Variants in CPLX4 observed in about 807,000 individuals in gnomAD.
CPLX4 encodes the protein complexin-4.
In CPLX4, 17 loss-of-function variants were observed where a neutral mutation model predicts 16.1. The observed-to-expected ratio is 1.06, with a 90% CI of 0.72 to 1.59. The LOEUF is 1.59. Among genes scored for constraint, CPLX4 ranks in the 40% most tolerant of loss-of-function variants. The pLI is 0.00. For missense variants in CPLX4, 193 were observed against 192.9 expected, an observed-to-expected ratio of 1.00 and a Z score of 0.00; for synonymous variants, 55 against 57.8, an observed-to-expected ratio of 0.95 and a Z score of 0.22.
At chr18:59,310,686 T>C (rs2070610663) in intron 2 of CPLX4, among the ~76,000 whole-genome samples, 1 of 152,132 alleles carries the variant, frequency 6.6e-6, no homozygotes, top group African/African-American at 2.4e-5. Context: ...GTCCTTTATA[T>C]TACATTATCT....
rs550794650 is a variant in CPLX4 at position 59,318,326 on chromosome 18, T to A, written c.137A>T (p.Glu46Val). The A allele has an allele frequency of 1.2e-6, 2 of 1,613,248 alleles. No individual in the cohort carries two copies. Among genetic ancestry groups the A allele is most frequent in the South Asian group, 1.1e-5 (1 of 90,922 alleles). ...AAQGMTREEY[E>V]EYQKQMIEEK... The stretch of plus-strand genomic sequence containing the variant: ...CTCAATCATTTGCTTTTGATACTCC[T>A]CATACTCCTCTCTAGTCATCCCTTG... The change falls in exon 1 of 3, where the codon GAG becomes GTG. Residue 46 changes from glutamate to valine, a missense_variant. Glu to Val is a moderately radical substitution (Grantham distance 121). Transcript: ENST00000299721.
intron 2 of CPLX4, among the ~76,000 whole-genome samples, chr18:59,297,798 G>C (rs77102066): frequency 2.6e-5 from 4 of 152,308 alleles, no homozygotes; most frequent in African/African-American, 4.8e-5. Context: ...TCACACCTTA[G>C]TGGCAACTTT....
Position 59,312,905 on chromosome 18 carries a change from T to A in CPLX4, c.168-133A>T, listed in dbSNP as rs866039874. ...TGGCAGACACTTGGGAACTATGGGA[T>A]TTTTTTCCTAGGTCCCCAAACGTCT... On this transcript the variant is annotated intron_variant, in intron 1 of 2. Coordinates refer to ENST00000299721, the MANE Select transcript of CPLX4 (RefSeq NM_181654.4). The A allele has an allele frequency of 7.9e-6, 4 of 506,844 alleles. No homozygotes were observed. In the South Asian group the frequency reaches 1.0e-4, roughly 13 times the overall value. The allele number at this position is 506,844 out of a possible 1,614,324, so 31.4% of individuals were successfully genotyped here. A position where few individuals can be genotyped will look rare whatever the true frequency, so the allele number is the denominator to read the frequency against.
intron 2 of CPLX4, among the ~76,000 whole-genome samples, chr18:59,310,261 T>C (rs1026144934): frequency 6.6e-6 from 1 of 152,214 alleles, no homozygotes; most frequent in Non-Finnish European, 1.5e-5. Context: ...CAGTAGCCTA[T>C]GCAGGTATAG....
In CPLX4 at chr18:59,315,389, A is replaced by T. The variant is rs1015590100; in HGVS notation, c.168-2617T>A. Reference sequence around the variant, plus strand: ...TCTTTTGCCCATTGTTTTTGCTTTCATTATTGAGTTATAGGAGTTCTTCAT... The same window carrying T: ...TCTTTTGCCCATTGTTTTTGCTTTCTTTATTGAGTTATAGGAGTTCTTCAT... On this transcript the variant is annotated intron_variant, in intron 1 of 2. Transcript: ENST00000299721. Among the ~76,000 whole-genome samples the T allele has an allele frequency of 2.0e-5, 3 of 152,120 alleles. No individual in the cohort carries two copies. In the South Asian group the frequency reaches 6.2e-4, roughly 32 times the overall value.
intron 2 of CPLX4, among the ~76,000 whole-genome samples, chr18:59,305,188 A>C (rs1307034280): frequency 6.6e-6 from 1 of 152,032 alleles, no homozygotes; most frequent in Non-Finnish European, 1.5e-5. Context: ...AGTGGCACTG[A>C]CCAGAGTCTT....
rs1253445997 is a variant in CPLX4, at chr18:59,303,208, C to T, written c.256-6283G>A. 2.6e-5 allele frequency among the ~76,000 whole-genome samples: 4 copies of T among 152,288 alleles called. No homozygotes were observed. In the South Asian group the frequency reaches 6.2e-4, roughly 24 times the overall value. The stretch of plus-strand genomic sequence containing the variant: ...CCCACTGCTGCCCTTCCCTCTTTAG[C>T]TACTTAAAGAGCCCTCAGCACCCCT... On this transcript the variant is annotated intron_variant, in intron 2 of 2. Coordinates refer to ENST00000299721, the MANE Select transcript of CPLX4 (RefSeq NM_181654.4).
chr18:59,308,464 CT>C (rs56412366), intron 2 of CPLX4, among the ~76,000 whole-genome samples: 35,335 of 143,478 alleles, frequency 0.25, 4,550 homozygotes, highest in South Asian at 0.35. Context: ...AATAGTAAGG[CT>C]TTTTTTTTTT....
chr18:59,311,593 A>G (rs2070617162), intron 2 of CPLX4, among the ~76,000 whole-genome samples: 1 of 152,004 alleles, frequency 6.6e-6, no homozygotes, highest in Non-Finnish European at 1.5e-5. Flanking sequence ...CTTTGGAGGG[A>G]TCTTTTACTT....
intron 2 of CPLX4, among the ~76,000 whole-genome samples, chr18:59,311,878 C>CA (rs1370419302): frequency 6.6e-6 from 1 of 152,204 alleles, no homozygotes; most frequent in African/African-American, 2.4e-5. Context: ...CCACAGCCTA[C>CA]AGCAGTCACC....
chr18:59,313,965 G>A (rs1210762362), intron 1 of CPLX4, among the ~76,000 whole-genome samples: 1 of 152,178 alleles, frequency 6.6e-6, no homozygotes, highest in Non-Finnish European at 1.5e-5. Flanking sequence ...ATTTTCAGGT[G>A]AAAACTGGTT....
intron 2 of CPLX4, among the ~76,000 whole-genome samples, chr18:59,299,367 C>T (rs1016223873): frequency 1.3e-5 from 2 of 152,164 alleles, no homozygotes; most frequent in African/African-American, 4.8e-5. Flanking sequence ...GGAATTCTGG[C>T]CCCTTCCCTC....
intron 2 of CPLX4, among the ~76,000 whole-genome samples, chr18:59,312,224 A>C (rs2070621315): frequency 6.6e-6 from 1 of 152,182 alleles, no homozygotes; most frequent in South Asian, 2.1e-4. Context: ...AAGTTCTAGA[A>C]CCTTTAGATA....
rs112865889 is a variant in CPLX4, at chr18:59,300,122, A to G, written c.256-3197T>C. On this transcript the variant is annotated intron_variant, in intron 2 of 2. Transcript: ENST00000299721. ...TGAGGCGGGGGGATCACCTGAGGTC[A>G]GGGGTTCAAGACCAGCATGGCCAAT... Among the ~76,000 whole-genome samples the G allele has an allele frequency of 2.5e-3, 379 of 152,310 alleles. 1 individual carries two copies. Among genetic ancestry groups the G allele is most frequent in the Non-Finnish European group, 4.4e-3 (296 of 68,020 alleles).
At chr18:59,307,847 G>T (rs1435182453) in intron 2 of CPLX4, among the ~76,000 whole-genome samples, 2 of 149,562 alleles carry the variant, frequency 1.3e-5, no homozygotes, top group Non-Finnish European at 3.0e-5. Context: ...TGCATCCCGG[G>T]TTCCAGCAAT....
intron 2 of CPLX4, among the ~76,000 whole-genome samples, chr18:59,310,947 C>CGT (rs56041362): frequency 0.039 from 5,567 of 143,534 alleles, 122 homozygotes; most frequent in East Asian, 0.087. Flanking sequence ...CCCAGCCAAT[C>CGT]GTGTGTGTGT....
chr18:59,307,668 T>C (rs2070585957), intron 2 of CPLX4, among the ~76,000 whole-genome samples: 1 of 152,184 alleles, frequency 6.6e-6, no homozygotes, highest in South Asian at 2.1e-4. Flanking sequence ...ATGGGCACTG[T>C]CTGGCCTTCC....
chr18:59,300,291 C>A (rs1171936910), intron 2 of CPLX4, among the ~76,000 whole-genome samples: 1 of 152,092 alleles, frequency 6.6e-6, no homozygotes, highest in Non-Finnish European at 1.5e-5. Context: ...CAAGATCACG[C>A]CACTGAACTC....
chr18:59,318,515 A>G lies in CPLX4; in HGVS notation c.-53T>C. Reference sequence around the variant, plus strand: ...AAATTCAGACAAAAGCTGAAAAAAAAAATCCAAACAAACCCAAGAGAAAAC... The same window carrying G: ...AAATTCAGACAAAAGCTGAAAAAAAGAATCCAAACAAACCCAAGAGAAAAC... On this transcript the variant is annotated 5_prime_UTR_variant, in exon 1 of 3. Coordinates refer to ENST00000299721, the MANE Select transcript of CPLX4 (RefSeq NM_181654.4). 1 of 1,557,078 alleles carries G rather than the reference A, an allele frequency of 6.4e-7. No homozygotes were observed. Among genetic ancestry groups the G allele is most frequent in the Non-Finnish European group, 8.6e-7 (1 of 1,159,478 alleles).
Sources: allele counts gnomAD v4.1 joint callset (sites outside exome capture counted in the v4.1 genomes callset), GRCh38; gene constraint gnomAD v4.1.1; transcripts MANE v1.5; gene names NCBI Gene and HGNC (gene_info 2026-07-23, HGNC 2026-07-21).